NELL1: variants seen among roughly 807,000 people sequenced by gnomAD.
NELL1 encodes neural EGFL like 1.
NELL1 carries 76 observed loss-of-function variants against 107.4 expected under a neutral mutation model. That is an observed-to-expected ratio of 0.71 (90% confidence interval 0.59 to 0.86). The LOEUF is 0.86. Ranked by LOEUF, NELL1 falls within the 40% of genes least tolerant of loss-of-function variation. NELL1 has a pLI of 0.00. For missense variants in NELL1, 1,024 were observed against 1,005.5 expected (o/e 1.02, Z -0.25); for synonymous variants, 353 against 341.2 (o/e 1.03, Z -0.38).
intron 9 of NELL1, chr11:20,935,877 G>A (rs540845883): frequency 6.6e-6 from 1 of 152,574 alleles, no homozygotes; most frequent in South Asian, 2.1e-4. Context: ...GGAGAGGTTA[G>A]AAGGTTGCCA....
At chr11:20,710,290 C>A (rs1855079179) in intron 2 of NELL1, among the ~76,000 whole-genome samples, 3 of 152,112 alleles carry the variant, frequency 2.0e-5, no homozygotes, top group Admixed American at 2.0e-4. Flanking sequence ...AATGCTTTTT[C>A]TGCATGTATT....
At position 21,489,769 on chromosome 11, in the gene NELL1, AC is replaced by A. The variant is rs1854750852; in HGVS notation, c.1646-44604del. Reference sequence around the variant, plus strand: ...CATCCCTTTGTGATAAAAACTCTCAACATCTAGGAATAGAAGGAACATACCT... The same window carrying A: ...CATCCCTTTGTGATAAAAACTCTCAAATCTAGGAATAGAAGGAACATACCT... On this transcript the variant is annotated intron_variant, in intron 15 of 19. Coordinates refer to ENST00000357134, the MANE Select transcript of NELL1 (RefSeq NM_006157.5). Among the ~76,000 whole-genome samples, 3 of 152,080 alleles carry A rather than the reference AC, an allele frequency of 2.0e-5. No homozygotes were observed. In the South Asian group the frequency reaches 6.2e-4, roughly 31 times the overall value.
At chr11:20,794,628 A>G (rs1037373865) in intron 3 of NELL1, among the ~76,000 whole-genome samples, 1 of 152,180 alleles carries the variant, frequency 6.6e-6, no homozygotes, top group African/African-American at 2.4e-5. Context: ...AATACCTAGC[A>G]TAGTGCTTGG....
intron 13 of NELL1, among the ~76,000 whole-genome samples, chr11:21,188,026 C>T (rs549838705): frequency 6.6e-6 from 1 of 151,894 alleles, no homozygotes; most frequent in Non-Finnish European, 1.5e-5. Flanking sequence ...ACCTCTTGAA[C>T]ATCTGAAAGG....
At chr11:21,447,801 A>G (rs925245015) in intron 15 of NELL1, among the ~76,000 whole-genome samples, 3 of 152,096 alleles carry the variant, frequency 2.0e-5, no homozygotes, top group Non-Finnish European at 4.4e-5. Context: ...TTACAACACT[A>G]GGACTTGCCC....
At chr11:20,939,801 G>A (rs570783258) in intron 10 of NELL1, among the ~76,000 whole-genome samples, 1 of 152,290 alleles carries the variant, frequency 6.6e-6, no homozygotes, top group Admixed American at 6.5e-5. Context: ...ACATTCAGGA[G>A]GAGGAACATG....
At chr11:20,810,890 AT>A (rs528225258) in intron 3 of NELL1, among the ~76,000 whole-genome samples, 296 of 151,652 alleles carry the variant, frequency 2.0e-3, no homozygotes, top group Non-Finnish European at 2.9e-3. Flanking sequence ...TTTCTTATAT[AT>A]TTTTTATATT....
intron 14 of NELL1, among the ~76,000 whole-genome samples, chr11:21,334,011 C>T (rs1190688200): frequency 1.3e-5 from 2 of 152,150 alleles, no homozygotes; most frequent in South Asian, 2.1e-4. Flanking sequence ...ATAGAAATTT[C>T]TGCATGTGCA....
chr11:20,907,709 A>G (rs1006963029), intron 5 of NELL1, among the ~76,000 whole-genome samples: 1 of 152,180 alleles, frequency 6.6e-6, no homozygotes, highest in Non-Finnish European at 1.5e-5. Flanking sequence ...AAATTGACAA[A>G]TGGGATGTAA....
chr11:20,728,042 T>G (rs1275088559), intron 2 of NELL1, among the ~76,000 whole-genome samples: 1 of 152,230 alleles, frequency 6.6e-6, no homozygotes, highest in African/African-American at 2.4e-5. Context: ...TGATTTGCAT[T>G]TCTTTAATGA....
At chr11:21,160,972 T>C (rs1404618554) in intron 13 of NELL1, among the ~76,000 whole-genome samples, 1 of 150,964 alleles carries the variant, frequency 6.6e-6, no homozygotes, top group African/African-American at 2.4e-5. Context: ...TTACCTTAAC[T>C]ATGGTTTTAA....
chr11:21,170,179 A>G (rs549404029), intron 13 of NELL1: 1 of 596,408 alleles, frequency 1.7e-6, no homozygotes, highest in Admixed American at 2.6e-5. Flanking sequence ...TAAGCAGGTG[A>G]ATTAGAATAA....
intron 13 of NELL1, among the ~76,000 whole-genome samples, chr11:21,148,614 T>C (rs758250114): frequency 1.1e-4 from 17 of 152,194 alleles, no homozygotes; most frequent in Non-Finnish European, 2.4e-4. Flanking sequence ...CTGTGGGCTA[T>C]TAGTGTACTT....
intron 12 of NELL1, among the ~76,000 whole-genome samples, chr11:21,093,611 A>G (rs1286989025): frequency 6.6e-6 from 1 of 152,230 alleles, no homozygotes; most frequent in African/African-American, 2.4e-5. Context: ...CAAAAGAAAG[A>G]GATTTAATTC....
chr11:20,712,701 C>T (rs76868089), intron 2 of NELL1, among the ~76,000 whole-genome samples: 12 of 152,324 alleles, frequency 7.9e-5, no homozygotes, highest in East Asian at 5.8e-4. Context: ...ACTTTCACTA[C>T]GGATGGGGCT....
intron 5 of NELL1, among the ~76,000 whole-genome samples, chr11:20,911,521 C>T (rs979220217): frequency 6.6e-6 from 1 of 152,208 alleles, no homozygotes; most frequent in Non-Finnish European, 1.5e-5. Flanking sequence ...AGGGCTTACC[C>T]TGTGTTTCCA....
chr11:20,855,131 A>G (rs1041961282), intron 4 of NELL1, among the ~76,000 whole-genome samples: 2 of 151,622 alleles, frequency 1.3e-5, no homozygotes, highest in African/African-American at 2.4e-5. Flanking sequence ...TTCTATTAAC[A>G]TCAGTAGCAG....
chr11:21,037,700 G>A (rs1853129990), intron 12 of NELL1, among the ~76,000 whole-genome samples: 1 of 151,988 alleles, frequency 6.6e-6, no homozygotes, highest in African/African-American at 2.4e-5. Context: ...CAGTTATTTG[G>A]GCAGCAACCA....
intron 2 of NELL1, among the ~76,000 whole-genome samples, chr11:20,718,881 G>T (rs979455006): frequency 8.5e-5 from 13 of 152,158 alleles, no homozygotes; most frequent in African/African-American, 3.1e-4. Context: ...TTGCACTGTA[G>T]CTAGTACCAA....
Sources: allele counts gnomAD v4.1 joint callset (sites outside exome capture counted in the v4.1 genomes callset), GRCh38; gene constraint gnomAD v4.1.1; transcripts MANE v1.5; gene names NCBI Gene and HGNC (gene_info 2026-07-23, HGNC 2026-07-21).